The following DOCK2 variants were observed in gnomAD, a reference collection of about 807,000 sequenced individuals.
DOCK2 encodes the protein dedicator of cytokinesis protein 2.
DOCK2 carries 87 observed loss-of-function variants against 248.9 expected under a neutral mutation model. The ratio of observed to expected loss-of-function variants is 0.35; its 90% CI spans 0.29 to 0.42. DOCK2 has a LOEUF of 0.42. Among genes scored for constraint, DOCK2 ranks in the 10% least tolerant of loss-of-function variants. The probability of loss-of-function intolerance (pLI) is 1.00; values close to 1 mark genes in which losing one functional copy is unlikely to be tolerated. For synonymous variants in DOCK2, 805 were observed against 821.6 expected, an observed-to-expected ratio of 0.98 and a Z score of 0.35; for missense variants, 1,747 against 2,300.2, an observed-to-expected ratio of 0.76 and a Z score of 4.92.
At chr5:170,027,989 T>G (rs761812903) in intron 34 of DOCK2, 41 bp downstream of exon 34, 2 of 1,578,652 alleles carry the variant, frequency 1.3e-6, no homozygotes, top group Admixed American at 1.7e-5. Context: ...CCTGTGAAGG[T>G]CAGGTGAGGC....
At chr5:169,882,690 G>T in intron 27 of DOCK2, 1 of 1,552,106 alleles carries the variant, frequency 6.4e-7, no homozygotes. Flanking sequence ...CCCGTGCCAG[G>T]TGAATTTGAT....
At chr5:169,874,427 A>T (rs1349119707) in intron 27 of DOCK2, among the ~76,000 whole-genome samples, 1 of 151,750 alleles carries the variant, frequency 6.6e-6, no homozygotes, top group African/African-American at 2.4e-5. Flanking sequence ...AAAAAAAAAA[A>T]AAAAAGCAAT....
intron 30 of DOCK2, among the ~76,000 whole-genome samples, chr5:170,000,826 C>G (rs115159238): frequency 6.6e-6 from 1 of 152,256 alleles, no homozygotes; most frequent in East Asian, 1.9e-4. Context: ...GTTTTGATAT[C>G]CTGTGAAATG....
chr5:170,029,877 G>A (rs1756066405), intron 34 of DOCK2, among the ~76,000 whole-genome samples: 1 of 152,200 alleles, frequency 6.6e-6, no homozygotes, highest in African/African-American at 2.4e-5. Context: ...GAGCCCAGAG[G>A]ACAGGATGGC....
chr5:170,039,119 T>C (rs1479174840), intron 36 of DOCK2, among the ~76,000 whole-genome samples: 1 of 152,242 alleles, frequency 6.6e-6, no homozygotes, highest in Admixed American at 6.5e-5. Flanking sequence ...GATCTCAGTT[T>C]TCTCATCTTA....
intron 29 of DOCK2, among the ~76,000 whole-genome samples, chr5:169,987,070 T>A (rs1045779562): frequency 3.3e-5 from 5 of 152,216 alleles, no homozygotes; most frequent in Admixed American, 3.3e-4. Flanking sequence ...TGTATCTAGG[T>A]GCTCAAATAG....
chr5:169,728,925 T>A (rs1444667715), intron 22 of DOCK2, among the ~76,000 whole-genome samples: 1 of 152,214 alleles, frequency 6.6e-6, no homozygotes, highest in East Asian at 1.9e-4. Flanking sequence ...AGGGTAAGGC[T>A]GTGGAGGACA....
chr5:169,849,644 A>C (rs1200592825), intron 27 of DOCK2, among the ~76,000 whole-genome samples: 1 of 152,246 alleles, frequency 6.6e-6, no homozygotes, highest in African/African-American at 2.4e-5. Context: ...AAAAACTCTA[A>C]ACTTAGAAAG....
intron 24 of DOCK2, among the ~76,000 whole-genome samples, chr5:169,760,285 ATGTAT>A (rs1341931677): frequency 1.3e-5 from 2 of 152,038 alleles, no homozygotes; most frequent in African/African-American, 2.4e-5. Flanking sequence ...TTTTTAAAAA[ATGTAT>A]TGTAGTTTAC....
chr5:169,883,691 C>T (rs1286576741), intron 27 of DOCK2: 1 of 1,551,130 alleles, frequency 6.4e-7, no homozygotes, highest in East Asian at 2.4e-5. Flanking sequence ...TGCCTGGTTG[C>T]TTGAGTCTTC....
At chr5:169,860,344 A>G (rs1157122122) in intron 27 of DOCK2, among the ~76,000 whole-genome samples, 1 of 151,810 alleles carries the variant, frequency 6.6e-6, no homozygotes, top group African/African-American at 2.4e-5. Context: ...CTCTCTCCCA[A>G]TTTACTTCAA....
chr5:169,977,738 C>T (rs769386389), intron 27 of DOCK2, among the ~76,000 whole-genome samples: 11 of 152,162 alleles, frequency 7.2e-5, no homozygotes, highest in Admixed American at 2.6e-4. Flanking sequence ...GAGCCCAGAA[C>T]GCAAGGACAG....
chr5:169,747,947 C>G (rs912842509), intron 23 of DOCK2, among the ~76,000 whole-genome samples: 1 of 152,220 alleles, frequency 6.6e-6, no homozygotes. Context: ...GACTGCAAAT[C>G]TTTGAGAAAC....
At chr5:170,080,009 C>A in intron 49 of DOCK2, 154 bp from the exon 50 acceptor site, 4 of 1,309,284 alleles carry the variant, frequency 3.1e-6, no homozygotes, top group Non-Finnish European at 4.1e-6. Flanking sequence ...GGCAGGCTGG[C>A]ATGGAATGGT....
At chr5:169,695,507 T>A in intron 9 of DOCK2, 1 of 273,122 alleles carries the variant, frequency 3.7e-6, no homozygotes, top group Non-Finnish European at 6.9e-6. Context: ...GAATCCTGTC[T>A]GTACAGCTGA....
At chr5:169,993,494 A>T (rs1778260158) in intron 29 of DOCK2, among the ~76,000 whole-genome samples, 1 of 151,940 alleles carries the variant, frequency 6.6e-6, no homozygotes, top group Non-Finnish European at 1.5e-5. Flanking sequence ...GGGTTATATT[A>T]ACATGCTTCA....
At chr5:169,728,142 T>C (rs1227165956) in intron 22 of DOCK2, among the ~76,000 whole-genome samples, 1 of 152,240 alleles carries the variant, frequency 6.6e-6, no homozygotes, top group African/African-American at 2.4e-5. Context: ...GACTCTGGAC[T>C]TTCTGGTCCA....
chr5:170,075,277 T>A (rs1757798934), intron 46 of DOCK2, among the ~76,000 whole-genome samples: 1 of 152,196 alleles, frequency 6.6e-6, no homozygotes. Context: ...TAGCTGACAC[T>A]TAGACAGTAT....
Position 169,695,784 on chromosome 5 carries a change from T to A in DOCK2, c.844-19T>A. The A allele has an allele frequency of 1.2e-6, 2 of 1,612,680 alleles. 1 individual carries two copies. Among genetic ancestry groups the A allele is most frequent in the Non-Finnish European group, 1.7e-6 (2 of 1,179,592 alleles). On this transcript the variant is annotated intron_variant, in intron 9 of 51. Transcript: ENST00000520908. ...CCATTCAGCACATGATGGTCAATTT[T>A]TTGTTTCTTTCCCCCCAGGATCTTG...
Sources: gnomAD v4.1 joint callset for allele counts (sites outside exome capture counted in the v4.1 genomes callset) on GRCh38, gnomAD v4.1.1 for gene constraint, MANE v1.5 for transcripts, NCBI Gene and HGNC (gene_info 2026-07-23, HGNC 2026-07-21) for gene names.